Variants in MTMR10 observed in about 807,000 individuals in gnomAD.
MTMR10 encodes the protein myotubularin-related protein 10.
In MTMR10, 56 loss-of-function variants were observed where a neutral mutation model predicts 88.1. The observed-to-expected ratio is 0.64, with a 90% CI of 0.51 to 0.79. The LOEUF (loss-of-function observed/expected upper bound fraction) is 0.79. Ranked by LOEUF, MTMR10 falls within the 30% of genes least tolerant of loss-of-function variation. The pLI, the probability that MTMR10 is intolerant of heterozygous loss-of-function variation, is 0.00. For missense variants in MTMR10, 883 were observed against 924.7 expected (o/e 0.95, Z 0.58); for synonymous variants, 380 against 340.9 (o/e 1.11, Z -1.26).
At chr15:30,942,372 C>G in intron 15 of MTMR10, 1 of 446,314 alleles carries the variant, frequency 2.2e-6, no homozygotes. Flanking sequence ...AACACTAGAC[C>G]TGGCCGATTC....
chr15:30,979,413 T>C (rs1197996094), intron 2 of MTMR10, among the ~76,000 whole-genome samples: 1 of 150,854 alleles, frequency 6.6e-6, no homozygotes, highest in Non-Finnish European at 1.5e-5. Context: ...AAAAAAAATT[T>C]AGCCAGGCGT....
Position 30,940,006 on chromosome 15 carries a change from G to GA in MTMR10, c.*1463dup. ...TTTTAAAAGGCAAATAATTCAAAAA[G>GA]AAACAGCTATTCAGTACATATAAAG... On this transcript the variant is annotated 3_prime_UTR_variant, in exon 16 of 16. Transcript: ENST00000435680. The GA allele has an allele frequency of 1.0e-6, 1 of 976,144 alleles. No homozygotes were observed. The highest frequency in any genetic ancestry group is 1.8e-5 in the African/African-American group (1 of 57,084). 60.5% of individuals were successfully genotyped at this position (976,144 alleles called of 1,614,324 possible).
the MTMR10 span, among the ~76,000 whole-genome samples, chr15:30,929,839 T>C: frequency 1.6e-5 from 1 of 62,076 alleles, no homozygotes; most frequent in African/African-American, 8.7e-5. Context: ...TATAATATAA[T>C]ATATAAAATA....
intron 6 of MTMR10, among the ~76,000 whole-genome samples, chr15:30,965,043 A>C (rs1207300015): frequency 6.6e-6 from 1 of 152,226 alleles, no homozygotes; most frequent in Non-Finnish European, 1.5e-5. Context: ...GCATGAGTCA[A>C]CAAAGTGGTT....
Position 30,941,245 on chromosome 15 carries a change from G to A in MTMR10, c.*225C>T, listed in dbSNP as rs771697948. ...ATGAACAGTTTGATCACGGTTACAA[G>A]AGCCAGACCTGTAATGACAGAAAGA... On this transcript the variant is annotated 3_prime_UTR_variant, in exon 16 of 16. Coordinates refer to ENST00000435680, the MANE Select transcript of MTMR10 (RefSeq NM_017762.3). 1.5e-5 allele frequency: 21 copies of A among 1,444,980 alleles called. No homozygotes were observed. Among genetic ancestry groups the A allele is most frequent in the East Asian group, 3.1e-5 (1 of 32,502 alleles). 89.5% of individuals were successfully genotyped at this position (1,444,980 alleles called of 1,614,324 possible).
At chr15:30,944,041 T>C (rs975798404) in intron 14 of MTMR10, 42 of 978,378 alleles carry the variant, frequency 4.3e-5, no homozygotes, top group Non-Finnish European at 9.7e-6. Context: ...CCCCCAAGAA[T>C]TTATTTGGAA....
At chr15:30,961,374 C>T (rs915498761) in intron 6 of MTMR10, among the ~76,000 whole-genome samples, 11 of 152,088 alleles carry the variant, frequency 7.2e-5, no homozygotes, top group African/African-American at 2.4e-4. Flanking sequence ...GCTGGGATTA[C>T]AGGCACCTGC....
Position 30,954,864 on chromosome 15 carries a change from G to C in MTMR10, c.965C>G (p.Pro322Arg), listed in dbSNP as rs1483180989. 6.4e-7 allele frequency: 1 copy of C among 1,561,848 alleles called. No individual in the cohort carries two copies. Among genetic ancestry groups the C allele is most frequent in the South Asian group, 1.2e-5 (1 of 84,222 alleles). The change falls in exon 10 of 16, where the codon CCA (proline) becomes CGA (arginine). Residue 322 changes from proline (P) to arginine (R), a missense_variant. Around this residue, in one of 3 missense-constraint regions of MTMR10, gnomAD observed 414 missense variants for 423.2 expected, o/e 0.98. Coordinates refer to ENST00000435680, the MANE Select transcript of MTMR10 (RefSeq NM_017762.3). ...TGATTTGTAAACATCACTTCTCTGTGGGTGACTTTTAGTTATTGCATTACA... is the reference window on the plus strand; with the variant it reads ...TGATTTGTAAACATCACTTCTCTGTCGGTGACTTTTAGTTATTGCATTACA... ...RICNAITKSHPQRSDVYKSDL... is the reference protein window; with the variant it reads ...RICNAITKSHRQRSDVYKSDL...
chr15:30,946,661 C>CA, intron 14 of MTMR10: 1 of 690,468 alleles, frequency 1.4e-6, no homozygotes, highest in Non-Finnish European at 2.6e-6. Flanking sequence ...AGAATGGTTT[C>CA]AAGTTTGGCT....
At chr15:30,959,268 G>C (rs1362312706) in intron 7 of MTMR10, 147 bp from the exon 8 acceptor site, 3 of 679,984 alleles carry the variant, frequency 4.4e-6, no homozygotes, top group Admixed American at 3.0e-5. Flanking sequence ...TGGGGGGGCA[G>C]TGACGATCCT....
chr15:30,985,269 G>C (rs780690275), intron 2 of MTMR10, among the ~76,000 whole-genome samples: 3 of 152,230 alleles, frequency 2.0e-5, no homozygotes, highest in Non-Finnish European at 2.9e-5. Flanking sequence ...TTTTCTGGCA[G>C]CTGAAATTCT....
chr15:30,924,023 G>C, the MTMR10 span, among the ~76,000 whole-genome samples: 1 of 152,132 alleles, frequency 6.6e-6, no homozygotes, highest in African/African-American at 2.4e-5. Context: ...CCCTGGCGAC[G>C]ACGTCTCATC....
Position 30,952,045 on chromosome 15 carries a change from A to G in MTMR10, c.1137-7T>C. On this transcript the variant is annotated splice_region_variant and splice_polypyrimidine_tract_variant and intron_variant, in intron 11 of 15. Transcript: ENST00000435680. Reference sequence around the variant, plus strand: ...TGAATGCTTAAGGAATGCCCTGAAGAGAGAAAAGGAAAAGCAGTGTTAAAA... The same window carrying G: ...TGAATGCTTAAGGAATGCCCTGAAGGGAGAAAAGGAAAAGCAGTGTTAAAA... 6.2e-7 allele frequency: 1 copy of G among 1,611,960 alleles called. No homozygotes were observed. The highest frequency in any genetic ancestry group is 8.5e-7 in the Non-Finnish European group (1 of 1,178,212).
chr15:30,940,501 A>AG lies in MTMR10; in HGVS notation c.*968dup. 1 of 985,480 alleles carries AG rather than the reference A, an allele frequency of 1.0e-6. No homozygotes were observed. The highest frequency in any genetic ancestry group is 1.2e-6 in the Non-Finnish European group (1 of 829,944). The allele number at this position is 985,480 out of a possible 1,614,324, so 61.0% of individuals were successfully genotyped here. ...ACTCGTAACCTCATTAGTTATTTCC[A>AG]GGGGGAAGTGCCAGCAATAGTTTAC... is the stretch of plus-strand genomic sequence containing the variant. On this transcript the variant is annotated 3_prime_UTR_variant, in exon 16 of 16. Transcript: ENST00000435680.
chr15:30,948,586 T>C (rs1056087369), intron 12 of MTMR10, 115 bp from the exon 13 acceptor site: 7 of 1,052,034 alleles, frequency 6.7e-6, no homozygotes, highest in Admixed American at 2.8e-5. Context: ...GCCTTCCAAA[T>C]CTGTATAAGG....
At chr15:30,987,118 T>A (rs138310549) in intron 2 of MTMR10, among the ~76,000 whole-genome samples, 102 of 152,318 alleles carry the variant, frequency 6.7e-4, no homozygotes, top group African/African-American at 2.3e-3. Flanking sequence ...GCTGACTACT[T>A]TGACAGAGTA....
At chr15:30,937,814 C>CATCT (rs1414468720), downstream of MTMR10, among the ~76,000 whole-genome samples, 3 of 152,002 alleles carry the variant, frequency 2.0e-5, no homozygotes, top group East Asian at 5.8e-4. Context: ...GAGCTGGATG[C>CATCT]ATCTATATGA....
intron 2 of MTMR10, among the ~76,000 whole-genome samples, chr15:30,989,469 C>T (rs563539651): frequency 5.2e-4 from 79 of 152,164 alleles, no homozygotes; most frequent in Non-Finnish European, 8.7e-4. Context: ...TTTAAAGTTT[C>T]CACATTTGTT....
chr15:30,960,682 A>G (rs1265860431), intron 7 of MTMR10, among the ~76,000 whole-genome samples, 199 bp downstream of exon 7: 1 of 152,236 alleles, frequency 6.6e-6, no homozygotes, highest in Non-Finnish European at 1.5e-5. Flanking sequence ...GTAAGGAATT[A>G]CTATCAACTT....
Sources: allele counts gnomAD v4.1 joint callset (sites outside exome capture counted in the v4.1 genomes callset), GRCh38; gene constraint gnomAD v4.1.1; regional missense constraint gnomAD v4.1.1; transcripts MANE v1.5; gene names NCBI Gene and HGNC (gene_info 2026-07-23, HGNC 2026-07-21).